Variants in NFAM1 observed in about 807,000 individuals in gnomAD.
NFAM1 encodes NFAT activation molecule 1.
Under a neutral mutation model 29.0 loss-of-function variants are expected in NFAM1, and 17 were observed. The ratio of observed to expected loss-of-function variants is 0.59; its 90% CI spans 0.40 to 0.88. NFAM1 has a LOEUF of 0.88. Ranked by LOEUF, NFAM1 falls within the 40% of genes least tolerant of loss-of-function variation. The pLI, the probability that NFAM1 is intolerant of heterozygous loss-of-function variation, is 0.00. For synonymous variants in NFAM1, 175 were observed against 147.2 expected, an observed-to-expected ratio of 1.19 and a Z score of -1.36; for missense variants, 324 against 344.6, an observed-to-expected ratio of 0.94 and a Z score of 0.47.
chr22:42,424,272 G>A (rs550622952), intron 1 of NFAM1, among the ~76,000 whole-genome samples: 5 of 152,186 alleles, frequency 3.3e-5, no homozygotes, highest in East Asian at 1.9e-4. Flanking sequence ...AAAATTAGAC[G>A]AGCATGGTGG....
intron 3 of NFAM1, among the ~76,000 whole-genome samples, chr22:42,406,709 G>A (rs1929910236): frequency 6.6e-6 from 1 of 152,168 alleles, no homozygotes; most frequent in Admixed American, 6.5e-5. Flanking sequence ...CTACTCACTG[G>A]GTGGTGCATC....
intron 3 of NFAM1, among the ~76,000 whole-genome samples, chr22:42,404,514 C>A (rs1417681539): frequency 1.3e-5 from 2 of 151,706 alleles, no homozygotes; most frequent in Non-Finnish European, 2.9e-5. Context: ...TTCTCTTTCC[C>A]TTCCAGCCCA....
intron 1 of NFAM1, among the ~76,000 whole-genome samples, chr22:42,416,805 G>T (rs1426013831): frequency 2.0e-5 from 3 of 152,204 alleles, no homozygotes; most frequent in Non-Finnish European, 2.9e-5. Flanking sequence ...CCCTTTTCTG[G>T]CAAAGGCAGT....
chr22:42,412,058 C>G (rs1468884265), intron 1 of NFAM1, among the ~76,000 whole-genome samples: 1 of 152,182 alleles, frequency 6.6e-6, no homozygotes, highest in Non-Finnish European at 1.5e-5. Context: ...CATGGCAAAA[C>G]CTGTCTCTAT....
chr22:42,386,908 C>G, intron 5 of NFAM1, 81 bp downstream of exon 5: 1 of 752,364 alleles, frequency 1.3e-6, no homozygotes, highest in Non-Finnish European at 2.2e-6. Flanking sequence ...CTTCCATGTC[C>G]CATTTGCCCC....
At chr22:42,387,697 C>T (rs1196603893) in intron 4 of NFAM1, among the ~76,000 whole-genome samples, 1 of 152,140 alleles carries the variant, frequency 6.6e-6, no homozygotes, top group Non-Finnish European at 1.5e-5. Context: ...GCACACCCCT[C>T]ATCCCCCTTG....
At chr22:42,406,710 G>A (rs535310562) in intron 3 of NFAM1, among the ~76,000 whole-genome samples, 1 of 152,284 alleles carries the variant, frequency 6.6e-6, no homozygotes, top group Admixed American at 6.5e-5. Context: ...TACTCACTGG[G>A]TGGTGCATCG....
intron 1 of NFAM1, among the ~76,000 whole-genome samples, chr22:42,415,789 G>C (rs149496305): frequency 1.3e-5 from 2 of 152,162 alleles, no homozygotes; most frequent in Non-Finnish European, 1.5e-5. Flanking sequence ...TAGGTTTCAC[G>C]GTCATTTCCA....
intron 3 of NFAM1, among the ~76,000 whole-genome samples, chr22:42,399,523 T>G (rs540711115): frequency 6.6e-6 from 1 of 151,410 alleles, no homozygotes; most frequent in African/African-American, 2.4e-5. Context: ...GAGAGGAGCC[T>G]GCCTGGGAGG....
intron 1 of NFAM1, among the ~76,000 whole-genome samples, chr22:42,417,790 C>A (rs966602532): frequency 1.3e-5 from 2 of 152,084 alleles, no homozygotes; most frequent in African/African-American, 4.8e-5. Context: ...ATAGTGAGGA[C>A]CATGGGGGAG....
At chr22:42,430,969 A>G (rs1449769170) in intron 1 of NFAM1, among the ~76,000 whole-genome samples, 2 of 152,220 alleles carry the variant, frequency 1.3e-5, no homozygotes, top group Non-Finnish European at 2.9e-5. Context: ...CGAGGCGTGC[A>G]CAGGATTAAA....
chr22:42,395,141 T>A (rs533364788), intron 4 of NFAM1, among the ~76,000 whole-genome samples: 1 of 150,128 alleles, frequency 6.7e-6, no homozygotes, highest in South Asian at 2.1e-4. Flanking sequence ...ACCACTGCAC[T>A]CCAGCCTGAG....
intron 1 of NFAM1, among the ~76,000 whole-genome samples, chr22:42,425,292 G>A (rs1227593275): frequency 1.3e-5 from 2 of 152,094 alleles, no homozygotes; most frequent in Non-Finnish European, 2.9e-5. Context: ...TTGAAACCCT[G>A]CCTCGCATTA....
intron 4 of NFAM1, among the ~76,000 whole-genome samples, chr22:42,390,557 C>T (rs1017303282): frequency 1.3e-5 from 2 of 152,114 alleles, no homozygotes; most frequent in African/African-American, 4.8e-5. Flanking sequence ...TGGCTCACCC[C>T]TGTAATCCCA....
chr22:42,397,856 A>G lies in NFAM1; in HGVS notation c.663+2T>C. On this transcript the variant is annotated splice_donor_variant, in intron 4 of 5. Coordinates refer to ENST00000329021, the MANE Select transcript of NFAM1 (RefSeq NM_145912.8). LOFTEE classifies it high-confidence loss of function. ...GAGGGAGCCGGGGGCCCCGGGACTC[A>G]CTGTGTAGACAGATTCTGAAGGATG... is the stretch of plus-strand genomic sequence containing the variant. The G allele has an allele frequency of 6.2e-7, 1 of 1,600,770 alleles. No individual in the cohort carries two copies.
intron 1 of NFAM1, among the ~76,000 whole-genome samples, chr22:42,422,316 A>G (rs919875599): frequency 6.6e-6 from 1 of 152,106 alleles, no homozygotes; most frequent in Admixed American, 6.5e-5. Flanking sequence ...GCCTGTTTTG[A>G]AAGTCAAGGC....
At chr22:42,424,333 T>C (rs1601761327) in intron 1 of NFAM1, among the ~76,000 whole-genome samples, 1 of 151,538 alleles carries the variant, frequency 6.6e-6, no homozygotes, top group Non-Finnish European at 1.5e-5. Flanking sequence ...GAGAATGGCG[T>C]GAACCAGGGA....
the NFAM1 span, among the ~76,000 whole-genome samples, chr22:42,437,573 CACCAAG>C: frequency 6.6e-6 from 1 of 152,196 alleles, no homozygotes; most frequent in Non-Finnish European, 1.5e-5. Context: ...ACGCCAGAGC[CACCAAG>C]TCCCCCACTA....
At chr22:42,408,656 C>A (rs1166433637) in intron 3 of NFAM1, among the ~76,000 whole-genome samples, 1 of 152,270 alleles carries the variant, frequency 6.6e-6, no homozygotes, top group Non-Finnish European at 1.5e-5. Context: ...CTGCCTCGGC[C>A]TCTGGCCTCC....
Sources: allele counts gnomAD v4.1 joint callset (sites outside exome capture counted in the v4.1 genomes callset), GRCh38; gene constraint gnomAD v4.1.1; transcripts MANE v1.5; gene names NCBI Gene and HGNC (gene_info 2026-07-23, HGNC 2026-07-21).